Variants in MACROH2A2 observed in about 807,000 individuals in gnomAD.
MACROH2A2 encodes the protein macroH2A.2 histone, also known as core histone macro-H2A.2.
In MACROH2A2, 6 loss-of-function variants were observed where a neutral mutation model predicts 37.6. The ratio of observed to expected loss-of-function variants is 0.16; its 90% CI spans 0.09 to 0.32. The LOEUF (loss-of-function observed/expected upper bound fraction) is 0.32, where lower values mean the gene tolerates loss of function less well. Among genes scored for constraint, MACROH2A2 ranks in the 10% least tolerant of loss-of-function variants. The pLI is 1.00. For missense variants in MACROH2A2, 290 were observed against 485.9 expected, an observed-to-expected ratio of 0.60 and a Z score of 3.79; for synonymous variants, 192 against 202.7, an observed-to-expected ratio of 0.95 and a Z score of 0.45.
At chr10:70,099,873 A>G (rs1467367500) in intron 6 of MACROH2A2, among the ~76,000 whole-genome samples, 6 of 152,178 alleles carry the variant, frequency 3.9e-5, no homozygotes, top group East Asian at 1.9e-4. Flanking sequence ...AGCTCTCCAC[A>G]TGAGTACTAA....
intron 1 of MACROH2A2, among the ~76,000 whole-genome samples, chr10:70,064,838 A>G (rs753724108): frequency 2.6e-5 from 4 of 151,816 alleles, no homozygotes; most frequent in Non-Finnish European, 5.9e-5. Flanking sequence ...CTTTATCAGC[A>G]GTGTGAAAAT....
intron 1 of MACROH2A2, among the ~76,000 whole-genome samples, chr10:70,063,436 A>G (rs1250163690): frequency 6.6e-6 from 1 of 152,206 alleles, no homozygotes; most frequent in African/African-American, 2.4e-5. Context: ...ATTCTATTCT[A>G]TTCAGGAGGC....
intron 5 of MACROH2A2, among the ~76,000 whole-genome samples, chr10:70,095,367 C>CA (rs1188963876): frequency 0.035 from 2,392 of 67,692 alleles, 30 homozygotes; most frequent in Admixed American, 0.073. Flanking sequence ...GACTCCGTCT[C>CA]AAAAAAAAAA....
intron 8 of MACROH2A2, among the ~76,000 whole-genome samples, chr10:70,110,592 C>T (rs1342472363): frequency 6.6e-6 from 1 of 152,046 alleles, no homozygotes; most frequent in African/African-American, 2.4e-5. Flanking sequence ...GACATAGAAT[C>T]AAATATAGGG....
At chr10:70,090,252 G>A in intron 3 of MACROH2A2, 86 bp downstream of exon 3, 2 of 818,160 alleles carry the variant, frequency 2.4e-6, no homozygotes, top group Non-Finnish European at 4.2e-6. Context: ...AGTCACTCCT[G>A]CTACAGTTCC....
chr10:70,079,563 GCGCACA>G (rs1379833589), intron 2 of MACROH2A2, among the ~76,000 whole-genome samples: 16 of 63,216 alleles, frequency 2.5e-4, no homozygotes, highest in African/African-American at 9.0e-4. Context: ...GCGCGCGCGC[GCGCACA>G]CACACACACA....
intron 2 of MACROH2A2, among the ~76,000 whole-genome samples, chr10:70,081,532 G>A (rs1428578469): frequency 1.3e-5 from 2 of 152,048 alleles, no homozygotes; most frequent in Non-Finnish European, 2.9e-5. Context: ...CGTGTGACGC[G>A]TCAGAGGCCA....
intron 1 of MACROH2A2, among the ~76,000 whole-genome samples, chr10:70,073,706 CG>C (rs2072123656): frequency 6.6e-6 from 1 of 152,118 alleles, no homozygotes; most frequent in East Asian, 1.9e-4. Context: ...TCTCCTTGGT[CG>C]TAATGGAGTT....
At position 70,055,712 on chromosome 10, in the gene MACROH2A2, C is replaced by A. The variant is rs958158908; in HGVS notation, c.-60+2712C>A. On this transcript the variant is annotated intron_variant, in intron 1 of 8. Coordinates refer to ENST00000373255, the MANE Select transcript of MACROH2A2 (RefSeq NM_018649.3). Reference sequence around the variant, plus strand: ...CTGACTGGTGTGTAAATTGATATAACCAATTGGAAGAGCAGTTTGGCACTA... The same window carrying A: ...CTGACTGGTGTGTAAATTGATATAAACAATTGGAAGAGCAGTTTGGCACTA... 2.0e-5 allele frequency among the ~76,000 whole-genome samples: 3 copies of A among 152,164 alleles called. No homozygotes were observed. In the East Asian group the frequency reaches 5.8e-4, roughly 29 times the overall value.
chr10:70,079,843 A>G (rs916424111), intron 2 of MACROH2A2, among the ~76,000 whole-genome samples: 2 of 152,126 alleles, frequency 1.3e-5, no homozygotes, highest in African/African-American at 4.8e-5. Context: ...TCCATAATGG[A>G]TTGGATCCAC....
intron 7 of MACROH2A2, among the ~76,000 whole-genome samples, chr10:70,101,752 A>G (rs2072308525): frequency 6.6e-6 from 1 of 152,196 alleles, no homozygotes; most frequent in Non-Finnish European, 1.5e-5. Context: ...ATCATGCAAT[A>G]TATGACTTTT....
At chr10:70,109,600 CT>C (rs1176392073) in intron 8 of MACROH2A2, among the ~76,000 whole-genome samples, 1 of 152,214 alleles carries the variant, frequency 6.6e-6, no homozygotes, top group Non-Finnish European at 1.5e-5. Context: ...GCTCGAAGGC[CT>C]TGCTACTCAA....
chr10:70,096,100 T>C (rs775737683), intron 6 of MACROH2A2, among the ~76,000 whole-genome samples: 8 of 152,150 alleles, frequency 5.3e-5, no homozygotes, highest in Non-Finnish European at 1.2e-4. Flanking sequence ...CAGTCAGTAT[T>C]TCCTCCAAGG....
intron 2 of MACROH2A2, among the ~76,000 whole-genome samples, chr10:70,080,209 G>A (rs998969161): frequency 1.3e-5 from 2 of 151,970 alleles, no homozygotes; most frequent in Non-Finnish European, 1.5e-5. Flanking sequence ...AACCCAGGAG[G>A]CGGAGGTTGT....
At chr10:70,061,601 C>T (rs1449688234) in intron 1 of MACROH2A2, among the ~76,000 whole-genome samples, 2 of 152,162 alleles carry the variant, frequency 1.3e-5, no homozygotes, top group African/African-American at 4.8e-5. Flanking sequence ...TTAAATGCCC[C>T]TACCCCTTGT....
intron 2 of MACROH2A2, among the ~76,000 whole-genome samples, chr10:70,083,592 A>T (rs2072194293): frequency 2.0e-5 from 3 of 151,996 alleles, no homozygotes; most frequent in Admixed American, 2.0e-4. Flanking sequence ...AACACAGTCA[A>T]AAAAGGAGGG....
At chr10:70,055,282 T>G (rs2072008070) in intron 1 of MACROH2A2, among the ~76,000 whole-genome samples, 1 of 152,220 alleles carries the variant, frequency 6.6e-6, no homozygotes, top group African/African-American at 2.4e-5. Flanking sequence ...TTTTTCAACC[T>G]TAAGAAATAA....
chr10:70,081,563 G>C (rs1407036850), intron 2 of MACROH2A2, among the ~76,000 whole-genome samples: 1 of 152,118 alleles, frequency 6.6e-6, no homozygotes, highest in Non-Finnish European at 1.5e-5. Context: ...GGGAAGGCCA[G>C]GAGCCCCTAA....
chr10:70,111,762 G>A lies in MACROH2A2; in HGVS notation c.*79G>A. 1 of 1,304,002 alleles carries A rather than the reference G, an allele frequency of 7.7e-7. No homozygotes were observed. Among genetic ancestry groups the A allele is most frequent in the South Asian group, 1.5e-5 (1 of 65,178 alleles). 80.8% of individuals were successfully genotyped at this position (1,304,002 alleles called of 1,614,324 possible). Reference sequence around the variant, plus strand: ...TTTTGCTTTTTAAAAGGAGAGAGGAGGGGTGATGGCAGGGGAGTGGAGGGT... The same window carrying A: ...TTTTGCTTTTTAAAAGGAGAGAGGAAGGGTGATGGCAGGGGAGTGGAGGGT... On this transcript the variant is annotated 3_prime_UTR_variant, in exon 9 of 9. Transcript: ENST00000373255.
Sources: allele counts gnomAD v4.1 joint callset (sites outside exome capture counted in the v4.1 genomes callset), GRCh38; gene constraint gnomAD v4.1.1; transcripts MANE v1.5; gene names NCBI Gene and HGNC (gene_info 2026-07-23, HGNC 2026-07-21).